Variants in DOCK2 observed in about 807,000 individuals in gnomAD.
The protein encoded by DOCK2 is dedicator of cytokinesis protein 2.
DOCK2 carries 87 observed loss-of-function variants against 248.9 expected under a neutral mutation model. That is an observed-to-expected ratio of 0.35 (90% CI 0.29 to 0.42). DOCK2 has a LOEUF of 0.42. Ranked by LOEUF, DOCK2 falls within the 10% of genes least tolerant of loss-of-function variation. The pLI, the probability that DOCK2 is intolerant of heterozygous loss-of-function variation, is 1.00. For synonymous variants in DOCK2, 805 were observed against 821.6 expected, an observed-to-expected ratio of 0.98 and a Z score of 0.35; for missense variants, 1,747 against 2,300.2, an observed-to-expected ratio of 0.76 and a Z score of 4.92.
chr5:169,739,764 ACTT>A (rs1244310978), intron 22 of DOCK2, among the ~76,000 whole-genome samples: 2 of 152,202 alleles, frequency 1.3e-5, no homozygotes, highest in African/African-American at 2.4e-5. Context: ...TCAAAATCCA[ACTT>A]CTTCTTGGCA....
chr5:169,795,513 T>C (rs1451257850), intron 25 of DOCK2, among the ~76,000 whole-genome samples: 1 of 152,108 alleles, frequency 6.6e-6, no homozygotes, highest in African/African-American at 2.4e-5. Context: ...TGCTGAAGAA[T>C]GCGTTGGGGG....
chr5:169,828,148 G>A (rs780112272), intron 26 of DOCK2, among the ~76,000 whole-genome samples: 36 of 152,256 alleles, frequency 2.4e-4, no homozygotes, highest in Non-Finnish European at 4.7e-4. Flanking sequence ...AACTGCATGC[G>A]TAGATCAGAG....
chr5:169,742,597 A>G (rs780336296), intron 22 of DOCK2, among the ~76,000 whole-genome samples: 1 of 152,184 alleles, frequency 6.6e-6, no homozygotes, highest in Admixed American at 6.5e-5. Context: ...TCCACCCCTG[A>G]TTCTCAAGGG....
chr5:169,662,786 G>A (rs1311492405), intron 2 of DOCK2, among the ~76,000 whole-genome samples: 1 of 152,174 alleles, frequency 6.6e-6, no homozygotes, highest in Non-Finnish European at 1.5e-5. Flanking sequence ...TCCCTCCCCT[G>A]ACACATGGGG....
chr5:169,873,400 C>A (rs533164909), intron 27 of DOCK2, among the ~76,000 whole-genome samples: 1 of 152,312 alleles, frequency 6.6e-6, no homozygotes, highest in East Asian at 1.9e-4. Flanking sequence ...TGCTCGAGGG[C>A]ATTGCTATGA....
chr5:169,888,029 T>C (rs1773073758), intron 27 of DOCK2, among the ~76,000 whole-genome samples: 1 of 152,160 alleles, frequency 6.6e-6, no homozygotes, highest in African/African-American at 2.4e-5. Flanking sequence ...CAACGTTTGA[T>C]ACAAATAAAG....
intron 26 of DOCK2, among the ~76,000 whole-genome samples, chr5:169,808,373 A>G (rs1387474570): frequency 6.6e-6 from 1 of 152,124 alleles, no homozygotes; most frequent in Non-Finnish European, 1.5e-5. Context: ...TTGGGTAATT[A>G]CAGCCCAGAG....
intron 28 of DOCK2, 85 bp downstream of exon 28, chr5:169,983,251 T>G: frequency 7.3e-7 from 1 of 1,377,392 alleles, no homozygotes; most frequent in Non-Finnish European, 1.0e-6. Flanking sequence ...GACCTGCCTG[T>G]CTATCACATA....
intron 27 of DOCK2, among the ~76,000 whole-genome samples, chr5:169,911,856 T>C (rs1774614469): frequency 6.6e-6 from 1 of 152,206 alleles, no homozygotes; most frequent in Non-Finnish European, 1.5e-5. Context: ...GGGAAGTGTT[T>C]TCTACCAACT....
At position 169,765,068 on chromosome 5, in the gene DOCK2, G is replaced by GCACACACACACACA. The variant is rs764611025; in HGVS notation, c.2554+3444_2554+3445insACACACACACACAC. On this transcript the variant is annotated intron_variant, in intron 25 of 51. Coordinates refer to ENST00000520908, the MANE Select transcript of DOCK2 (RefSeq NM_004946.3). ...TGATTTACCCCTCAGGGCTCTTTTA[G>GCACACACACACACA]CGCACACACACACACACACACACAC... 2.0e-3 allele frequency among the ~76,000 whole-genome samples: 161 copies of GCACACACACACACA among 79,746 alleles called. 2 individuals carry two copies. Among genetic ancestry groups the GCACACACACACACA allele is most frequent in the African/African-American group, 4.5e-3 (116 of 25,962 alleles). The allele number at this position is 79,746 out of a possible 152,430, so 52.3% of individuals were successfully genotyped here.
At chr5:169,992,549 C>A (rs570981786) in intron 29 of DOCK2, among the ~76,000 whole-genome samples, 3 of 152,032 alleles carry the variant, frequency 2.0e-5, no homozygotes, top group Non-Finnish European at 4.4e-5. Context: ...ACTGCAACCT[C>A]CAACTCCCTG....
chr5:169,742,345 C>A (rs1420722057), intron 22 of DOCK2, among the ~76,000 whole-genome samples: 19 of 152,128 alleles, frequency 1.2e-4, no homozygotes, highest in Non-Finnish European at 2.1e-4. Context: ...TTTCGAGCAA[C>A]CTTATGGGGC....
At chr5:169,824,568 A>G (rs1408457262) in intron 26 of DOCK2, among the ~76,000 whole-genome samples, 1 of 152,264 alleles carries the variant, frequency 6.6e-6, no homozygotes, top group Non-Finnish European at 1.5e-5. Context: ...CTGGCTAGCC[A>G]TATGTAGAAA....
chr5:169,673,051 G>T (rs1418598689), intron 5 of DOCK2, among the ~76,000 whole-genome samples: 1 of 152,076 alleles, frequency 6.6e-6, no homozygotes, highest in South Asian at 2.1e-4. Context: ...CATTACACAG[G>T]CATGATTGAT....
chr5:170,063,286 C>A (rs1165654088), intron 44 of DOCK2, among the ~76,000 whole-genome samples: 2 of 152,166 alleles, frequency 1.3e-5, no homozygotes, highest in African/African-American at 4.8e-5. Flanking sequence ...ACTTTTAGAT[C>A]TATTTCTAAA....
intron 27 of DOCK2, among the ~76,000 whole-genome samples, chr5:169,851,632 A>C (rs1394519188): frequency 6.6e-6 from 1 of 152,234 alleles, no homozygotes; most frequent in Non-Finnish European, 1.5e-5. Flanking sequence ...ACTGCTATAA[A>C]GAACTGCCCA....
Position 169,941,298 on chromosome 5 carries a change from C to T in DOCK2, c.2800-41770C>T, listed in dbSNP as rs187464577. Among the ~76,000 whole-genome samples, 4 of 152,294 alleles carry T rather than the reference C, an allele frequency of 2.6e-5. No individual in the cohort carries two copies. The East Asian group carries it at 5.8e-4, about 22-fold the overall frequency. On this transcript the variant is annotated intron_variant, in intron 27 of 51. Transcript: ENST00000520908. ...TCTCGGCTCACTACAACCTCTGCCT[C>T]CTGGGTTCAAGCAATTCTCCTGTCT...
chr5:169,842,740 C>T (rs1408554812), intron 27 of DOCK2, among the ~76,000 whole-genome samples: 1 of 152,124 alleles, frequency 6.6e-6, no homozygotes, highest in Non-Finnish European at 1.5e-5. Flanking sequence ...TAAATGGGGC[C>T]TGTGTCATAA....
intron 35 of DOCK2, among the ~76,000 whole-genome samples, chr5:170,034,848 G>A (rs1436662657): frequency 6.6e-6 from 1 of 152,154 alleles, no homozygotes; most frequent in African/African-American, 2.4e-5. Context: ...CTAAGAGTAT[G>A]AGCTTTGGAG....
Sources: allele counts gnomAD v4.1 joint callset (sites outside exome capture counted in the v4.1 genomes callset), GRCh38; gene constraint gnomAD v4.1.1; transcripts MANE v1.5; gene names NCBI Gene and HGNC (gene_info 2026-07-23, HGNC 2026-07-21).